ZNF606: variants seen among roughly 807,000 people sequenced by gnomAD.
ZNF606 encodes zinc finger protein 606, also known as zinc finger protein 328.
ZNF606 carries 37 observed loss-of-function variants against 74.9 expected under a neutral mutation model. The ratio of observed to expected loss-of-function variants is 0.49; its 90% CI spans 0.38 to 0.65. The LOEUF (loss-of-function observed/expected upper bound fraction) is 0.65. ZNF606 is among the 30% of genes least tolerant of loss of function. ZNF606 has a pLI of 0.00. For missense variants in ZNF606, 852 were observed against 952.9 expected, an observed-to-expected ratio of 0.89 and a Z score of 1.39; for synonymous variants, 328 against 312.4, an observed-to-expected ratio of 1.05 and a Z score of -0.53.
chr19:57,986,621 A>G (rs1209395467), intron 6 of ZNF606, among the ~76,000 whole-genome samples: 2 of 152,230 alleles, frequency 1.3e-5, no homozygotes, highest in Non-Finnish European at 2.9e-5. Context: ...TTAAAAGACA[A>G]CTGCATAAAG....
intron 6 of ZNF606, among the ~76,000 whole-genome samples, chr19:57,985,888 C>T (rs771975852): frequency 4.6e-5 from 7 of 151,878 alleles, no homozygotes; most frequent in East Asian, 1.9e-4. Context: ...GAGCCAAGAT[C>T]GCGCCACTGC....
intron 3 of ZNF606, 75 bp from the exon 4 acceptor site, chr19:57,999,971 A>C (rs1600229272): frequency 7.6e-7 from 1 of 1,318,748 alleles, no homozygotes. Flanking sequence ...GGGGCTGAGA[A>C]CCAGCCCCTG....
chr19:57,985,237 C>T (rs907369555), intron 6 of ZNF606, among the ~76,000 whole-genome samples: 4 of 152,190 alleles, frequency 2.6e-5, no homozygotes, highest in South Asian at 2.1e-4. Flanking sequence ...TAACTTACCC[C>T]GGTCCCATCT....
At chr19:57,987,080 A>C (rs1324860610) in intron 6 of ZNF606, among the ~76,000 whole-genome samples, 1 of 152,146 alleles carries the variant, frequency 6.6e-6, no homozygotes, top group East Asian at 1.9e-4. Flanking sequence ...GAAGAGCAAG[A>C]CCTTGTCTCA....
At chr19:57,990,619 A>G (rs1023057393) in intron 4 of ZNF606, among the ~76,000 whole-genome samples, 2 of 151,614 alleles carry the variant, frequency 1.3e-5, no homozygotes, top group African/African-American at 4.8e-5. Flanking sequence ...TCCCACTCCA[A>G]GGGTCCTCTG....
rs889002778 is a variant in ZNF606, at chr19:57,977,366, A to G, written c.*935T>C. 17 of 152,248 alleles carry G rather than the reference A, an allele frequency of 1.1e-4. No individual in the cohort carries two copies. Among genetic ancestry groups the G allele is most frequent in the African/African-American group, 3.9e-4 (16 of 41,472 alleles). 9.4% of individuals were successfully genotyped at this position (152,248 alleles called of 1,614,324 possible). A position where few individuals can be genotyped will look rare whatever the true frequency, so the allele number is the denominator to read the frequency against. On this transcript the variant is annotated 3_prime_UTR_variant, in exon 7 of 7. Transcript: ENST00000551380. The stretch of plus-strand genomic sequence containing the variant: ...AAGCATTTAAAAGAAAGCCCAGCAC[A>G]TAAGTGTTATATGTATTTGTAAAAC...
chr19:57,992,501 T>C (rs1039227636), intron 4 of ZNF606, among the ~76,000 whole-genome samples: 9 of 152,202 alleles, frequency 5.9e-5, no homozygotes, highest in Non-Finnish European at 1.5e-5. Flanking sequence ...ACAAGACCAG[T>C]GACCTAGTTT....
chr19:57,980,975 A>G, intron 6 of ZNF606, among the ~76,000 whole-genome samples: 1 of 152,194 alleles, frequency 6.6e-6, no homozygotes. Flanking sequence ...TCTAACTAGT[A>G]AGAGTGTTTT....
In ZNF606 at chr19:57,978,858, G is replaced by A. The variant is rs762801474; in HGVS notation, c.1822C>T (p.Arg608Cys). The change falls in exon 7 of 7, where the codon CGC becomes TGC. Residue 608 changes from arginine to cysteine, a missense_variant. By Grantham distance (180) the Arg-to-Cys change is radical (BLOSUM62 -3). Transcript: ENST00000551380. The surrounding 1 kb of genome is among the most constrained non-coding windows in gnomAD (Gnocchi z 4.4). ...CQECGKAFRERSALTKHEIIH... is the reference protein window; with the variant it reads ...CQECGKAFRECSALTKHEIIH... ...ATCTCATGTTTAGTGAGGGCTGAGCGTTCTCTGAATGCTTTGCCACATTCC... is the reference window on the plus strand; with the variant it reads ...ATCTCATGTTTAGTGAGGGCTGAGCATTCTCTGAATGCTTTGCCACATTCC... The A allele has an allele frequency of 9.3e-6, 15 of 1,613,882 alleles. No individual in the cohort carries two copies. Among genetic ancestry groups the A allele is most frequent in the East Asian group, 4.5e-5 (2 of 44,884 alleles).
In ZNF606 at chr19:57,988,700, C is replaced by T. The variant is rs779552199; in HGVS notation, c.199G>A (p.Val67Met). The T allele has an allele frequency of 6.8e-6, 11 of 1,614,010 alleles. No individual in the cohort carries two copies. Among genetic ancestry groups the T allele is most frequent in the East Asian group, 2.2e-5 (1 of 44,884 alleles). The part of the protein sequence containing the change: ...QVQEPVTFKD[V>M]AVDFTQEEWG... ...TCTTCTTGGGTGAAGTCCACGGCCA[C>T]GTCCTTGAAGGTCACTGGTTCCTAA... Residue 67 changes from valine (V) to methionine (M), a missense_variant, in exon 5 of 7, where the codon GTG (valine) becomes ATG (methionine). Val to Met is a conservative substitution (Grantham distance 21). This residue lies in a region of ZNF606 where 545 missense variants were observed against 542.5 expected (regional missense o/e 1.00). Transcript: ENST00000551380.
chr19:57,979,433 A>G lies in ZNF606; in HGVS notation c.1247T>C (p.Ile416Thr). 1.2e-6 allele frequency: 2 copies of G among 1,614,086 alleles called. No homozygotes were observed. The highest frequency in any genetic ancestry group is 1.1e-5 in the South Asian group (1 of 91,050). ...TCCAGTATGAGTTTTCTTATGTTGA[A>G]TAAGGTAAGAGCTCCAGATGAAAGA... ...GTSFIWSSYLIQHKKTHTGEK... is the reference protein window; with the variant it reads ...GTSFIWSSYLTQHKKTHTGEK... The change falls in exon 7 of 7, where the codon ATT becomes ACT. Residue 416 changes from isoleucine to threonine, a missense_variant. Physicochemically the swap from Ile to Thr is moderately conservative, Grantham distance 89. This residue lies in a region of ZNF606 where 545 missense variants were observed against 542.5 expected (regional missense o/e 1.00). Coordinates refer to ENST00000551380, the MANE Select transcript of ZNF606 (RefSeq NM_001348022.3).
At position 58,000,800 on chromosome 19, in the gene ZNF606, T is replaced by C. The variant is rs948306790; in HGVS notation, c.32-61A>G. 2.3e-5 allele frequency: 34 copies of C among 1,467,754 alleles called. No individual in the cohort carries two copies. In the Admixed American group the frequency reaches 7.2e-4, roughly 31 times the overall value. The allele number at this position is 1,467,754 out of a possible 1,614,324, so 90.9% of individuals were successfully genotyped here. A position where few individuals can be genotyped will look rare whatever the true frequency, so the allele number is the denominator to read the frequency against. ...AACCTAGTGATTCAAGGCGACAAAA[T>C]ACAAGAGGAGGCTGACTCGCTAATG... On this transcript the variant is annotated intron_variant, in intron 2 of 6. Transcript: ENST00000551380.
chr19:57,995,423 G>A (rs756208125), intron 4 of ZNF606, among the ~76,000 whole-genome samples: 4 of 151,980 alleles, frequency 2.6e-5, no homozygotes, highest in African/African-American at 7.3e-5. Flanking sequence ...ACTCGGCAGC[G>A]CAAAAGGAAC....
Position 58,002,481 on chromosome 19 carries a change from C to A in ZNF606, c.-137G>T. The stretch of plus-strand genomic sequence containing the variant: ...TGGGGCGTTTGGCTTTTGTCCCGCG[C>A]CGAGGTCCGGCCCAGGAGTGCGCTT... On this transcript the variant is annotated 5_prime_UTR_variant, in exon 1 of 7. Transcript: ENST00000551380. The A allele has an allele frequency of 2.2e-6, 1 of 454,174 alleles. No individual in the cohort carries two copies. The highest frequency in any genetic ancestry group is 4.4e-6 in the Non-Finnish European group (1 of 225,684). 28.1% of individuals were successfully genotyped at this position (454,174 alleles called of 1,614,324 possible). A position where few individuals can be genotyped will look rare whatever the true frequency, so the allele number is the denominator to read the frequency against.
chr19:58,002,767 G>A lies in ZNF606; in HGVS notation c.-423C>T, dbSNP rs1216565075. The A allele has an allele frequency of 1.5e-5, 7 of 454,494 alleles. No homozygotes were observed. The highest frequency in any genetic ancestry group is 3.1e-5 in the South Asian group (2 of 64,462). 28.2% of individuals were successfully genotyped at this position (454,494 alleles called of 1,614,324 possible). A position where few individuals can be genotyped will look rare whatever the true frequency, so the allele number is the denominator to read the frequency against. ...CAGCTACGGCGGCCCCACAGCCTGA[G>A]CAAAGGCCTCACCTCAGCCGCGGAC... On this transcript the variant is annotated 5_prime_UTR_variant, in exon 1 of 7. Coordinates refer to ENST00000551380, the MANE Select transcript of ZNF606 (RefSeq NM_001348022.3).
chr19:58,002,980 T>C, upstream of ZNF606: 1 of 455,932 alleles, frequency 2.2e-6, no homozygotes, highest in Admixed American at 2.4e-5. Flanking sequence ...GGCGGCAGGA[T>C]GGACTTTGTT....
chr19:58,002,356 G>A (rs916146571), intron 1 of ZNF606, 40 bp downstream of exon 1: 2 of 456,608 alleles, frequency 4.4e-6, no homozygotes, highest in Non-Finnish European at 8.8e-6. Flanking sequence ...CCTCAAGACC[G>A]ACGCGGCCGC....
At chr19:57,989,105 C>T (rs758432508) in intron 4 of ZNF606, among the ~76,000 whole-genome samples, 1 of 152,174 alleles carries the variant, frequency 6.6e-6, no homozygotes, top group Non-Finnish European at 1.5e-5. Flanking sequence ...CAAGCGAGAC[C>T]TTGAGGATGG....
rs2073423905 is a variant in ZNF606 at position 58,001,292 on chromosome 19, A to G, written c.28T>C (p.Trp10Arg). 1.2e-6 allele frequency: 2 copies of G among 1,614,068 alleles called. No homozygotes were observed. Among genetic ancestry groups the G allele is most frequent in the East Asian group, 2.2e-5 (1 of 44,896 alleles). Residue 10 changes from tryptophan (W) to arginine (R), a missense_variant, in exon 2 of 7, where the codon TGG (tryptophan) becomes CGG (arginine). Transcript: ENST00000551380. MAAINPWAS[W>R]GALTDQSWGM... Reference sequence around the variant, plus strand: ...GAGAAACACAACTTGGACTCACCCCAGGAGGCCCACGGGTTGATGGCTGCC... The same window carrying G: ...GAGAAACACAACTTGGACTCACCCCGGGAGGCCCACGGGTTGATGGCTGCC...
Sources: gnomAD v4.1 joint callset for allele counts (sites outside exome capture counted in the v4.1 genomes callset) on GRCh38, gnomAD v4.1.1 for gene constraint, gnomAD v4.1.1 regional missense constraint, Gnocchi (gnomAD v3.1) non-coding constraint, MANE v1.5 for transcripts, NCBI Gene and HGNC (gene_info 2026-07-23, HGNC 2026-07-21) for gene names.